Variants in CNTROB observed in about 807,000 individuals in gnomAD.
CNTROB encodes centrobin, centriole duplication and spindle assembly protein.
A neutral mutation model predicts 115.7 loss-of-function variants in CNTROB; 82 were observed. The observed-to-expected ratio is 0.71, with a 90% confidence interval of 0.59 to 0.85. The LOEUF is 0.85. Among genes scored for constraint, CNTROB ranks in the 40% least tolerant of loss-of-function variants. The pLI, the probability that CNTROB is intolerant of heterozygous loss-of-function variation, is 0.00. For synonymous variants in CNTROB, 439 were observed against 456.4 expected (o/e 0.96, Z 0.49); for missense variants, 1,014 against 1,144.4 (o/e 0.89, Z 1.64).
rs895623962 is a variant in CNTROB at position 7,939,159 on chromosome 17, C to G, written c.928-354C>G. On this transcript the variant is annotated intron_variant, in intron 7 of 18. Coordinates refer to ENST00000563694, the MANE Select transcript of CNTROB (RefSeq NM_053051.5). This position sits in a 1 kb window ranked among gnomAD's most constrained non-coding sequence, Gnocchi z 4.4. ...CTAGGCTGGAGTGCAGTTGTGTGAT[C>G]CCAGCTCACTGCAACCTCCACCTCC... is the stretch of plus-strand genomic sequence containing the variant. Among the ~76,000 whole-genome samples, 2 of 152,026 alleles carry G rather than the reference C, an allele frequency of 1.3e-5. No homozygotes were observed. The highest frequency in any genetic ancestry group is 4.8e-5 in the African/African-American group (2 of 41,366).
intron 9 of CNTROB, among the ~76,000 whole-genome samples, chr17:7,942,803 T>G (rs1394551452): frequency 3.2e-4 from 34 of 106,014 alleles, no homozygotes; most frequent in African/African-American, 1.2e-3. Context: ...TTTTTTTTTT[T>G]TTTTTTTTTT....
chr17:7,945,909 T>C lies in CNTROB; in HGVS notation c.1916T>C (p.Leu639Pro). 6.2e-7 allele frequency: 1 copy of C among 1,614,118 alleles called. No homozygotes were observed. The change falls in exon 13 of 19, where the codon CTC (leucine) becomes CCC (proline). Residue 639 changes from leucine (L) to proline (P), a missense_variant. Transcript: ENST00000563694. ...TGCAGTTCCTCCTCAGATCTTAGCC[T>C]CCTGTTGGGCCCCTCTTTTCAGAGC... is the stretch of plus-strand genomic sequence containing the variant. ...VLCSSSSDLS[L>P]LLGPSFQSQH...
chr17:7,937,230 G>A lies in CNTROB; in HGVS notation c.895G>A (p.Ala299Thr). Residue 299 changes from alanine (A) to threonine (T), a missense_variant, in exon 7 of 19, where the codon GCC becomes ACC. Physicochemically the swap from Ala to Thr is moderately conservative, Grantham distance 58. Coordinates refer to ENST00000563694, the MANE Select transcript of CNTROB (RefSeq NM_053051.5). Reference sequence around the variant, plus strand: ...GGCCCTGAATCGTGAGCAGGAAAGTGCCAGACTGCAGCAACGGGAAAGAGA... The same window carrying A: ...GGCCCTGAATCGTGAGCAGGAAAGTACCAGACTGCAGCAACGGGAAAGAGA... ...MEALNREQESARLQQRERETL... is the reference protein window; with the variant it reads ...MEALNREQESTRLQQRERETL... 1 of 1,614,172 alleles carries A rather than the reference G, an allele frequency of 6.2e-7. No homozygotes were observed. The highest frequency in any genetic ancestry group is 8.5e-7 in the Non-Finnish European group (1 of 1,180,020).
At chr17:7,946,124 A>T in intron 13 of CNTROB, 138 bp downstream of exon 13, 1 of 745,924 alleles carries the variant, frequency 1.3e-6, no homozygotes, top group Non-Finnish European at 2.3e-6. Flanking sequence ...AAGGAGCAGA[A>T]ATCTGCTCAC....
At chr17:7,945,648 T>C in intron 12 of CNTROB, 80 bp from the exon 13 acceptor site, 1 of 1,427,822 alleles carries the variant, frequency 7.0e-7, no homozygotes, top group Non-Finnish European at 9.5e-7. Flanking sequence ...ATTTATAATC[T>C]TATTAAAGTG....
Position 7,937,206 on chromosome 17 carries a change from G to T in CNTROB, c.871G>T (p.Ala291Ser). ...ACAAAGCCTTTCTGAGGCCATGGAG[G>T]CCCTGAATCGTGAGCAGGAAAGTGC... ...LEQSLSEAME[A>S]LNREQESARL... Residue 291 changes from alanine to serine, a missense_variant, in exon 7 of 19, where the codon GCC (alanine) becomes TCC (serine). By Grantham distance (99) the Ala-to-Ser change is moderately conservative (BLOSUM62 1). Coordinates refer to ENST00000563694, the MANE Select transcript of CNTROB (RefSeq NM_053051.5). The T allele has an allele frequency of 2.5e-6, 4 of 1,614,160 alleles. No homozygotes were observed. The highest frequency in any genetic ancestry group is 2.2e-5 in the East Asian group (1 of 44,872).
intron 13 of CNTROB, among the ~76,000 whole-genome samples, chr17:7,946,281 C>T (rs1369495470): frequency 1.3e-5 from 2 of 152,232 alleles, no homozygotes; most frequent in Non-Finnish European, 2.9e-5. Context: ...CTGGGTCCAC[C>T]TCTCCTGCAC....
chr17:7,949,111 C>T lies in CNTROB; in HGVS notation c.2540C>T (p.Pro847Leu). 1 of 1,614,076 alleles carries T rather than the reference C, an allele frequency of 6.2e-7. No homozygotes were observed. The highest frequency in any genetic ancestry group is 8.5e-7 in the Non-Finnish European group (1 of 1,180,018). The stretch of plus-strand genomic sequence containing the variant: ...ACTGATGGCCGAGGGGATAATGTCC[C>T]CAGAAGGAACACAGACTCCCGCTTG... ...SGTDGRGDNVPRRNTDSRLGE... is the reference protein window; with the variant it reads ...SGTDGRGDNVLRRNTDSRLGE... The change falls in exon 18 of 19, where the codon CCC becomes CTC. Residue 847 changes from proline to leucine, a missense_variant. Coordinates refer to ENST00000563694, the MANE Select transcript of CNTROB (RefSeq NM_053051.5).
intron 4 of CNTROB, 194 bp from the exon 5 acceptor site, chr17:7,936,172 A>C: frequency 5.2e-6 from 3 of 577,554 alleles, no homozygotes; most frequent in Non-Finnish European, 9.3e-6. Context: ...AAAGGTACAG[A>C]AACATGTTGG....
intron 7 of CNTROB, 91 bp downstream of exon 7, chr17:7,937,353 T>A: frequency 6.7e-7 from 1 of 1,497,248 alleles, no homozygotes; most frequent in Non-Finnish European, 9.3e-7. Flanking sequence ...GAGATTATAA[T>A]TTGAGTTGCA....
Position 7,939,491 on chromosome 17 carries a change from T to C in CNTROB, c.928-22T>C, listed in dbSNP as rs564339167. The C allele has an allele frequency of 5.6e-6, 9 of 1,607,700 alleles. No homozygotes were observed. The African/African-American group carries it at 1.2e-4, about 21-fold the overall frequency. On this transcript the variant is annotated intron_variant, in intron 7 of 18. Transcript: ENST00000563694. The surrounding 1 kb of genome is among the most constrained non-coding windows in gnomAD (Gnocchi z 4.4). ...TCTCTGAAGAGCCTACTAAGGAGCT[T>C]GGTTTTCTTCTGCGGCTGTAGGAGG...
chr17:7,932,829 G>T lies in CNTROB; in HGVS notation c.-251G>T. 1 of 522,348 alleles carries T rather than the reference G, an allele frequency of 1.9e-6. No homozygotes were observed. Among genetic ancestry groups the T allele is most frequent in the Middle Eastern group, 5.0e-4 (1 of 2,006 alleles). The allele number at this position is 522,348 out of a possible 1,614,324, so 32.4% of individuals were successfully genotyped here. On this transcript the variant is annotated 5_prime_UTR_variant, in exon 1 of 19. Coordinates refer to ENST00000563694, the MANE Select transcript of CNTROB (RefSeq NM_053051.5). ...GGTCTTCTGTCCGCACCCGCTCTGC[G>T]CTGCACCCTCTTAACGCTGTTCCCA...
In CNTROB at chr17:7,939,240, C is replaced by T. The variant is rs956471085; in HGVS notation, c.928-273C>T. 6.6e-6 allele frequency among the ~76,000 whole-genome samples: 1 copy of T among 151,672 alleles called. No homozygotes were observed. The highest frequency in any genetic ancestry group is 1.5e-5 in the Non-Finnish European group (1 of 67,974). ...CCCAAGTAGCTGGAATTACAGGCAC[C>T]CACCACCACGCCTGGCTAATTTTTG... On this transcript the variant is annotated intron_variant, in intron 7 of 18. Coordinates refer to ENST00000563694, the MANE Select transcript of CNTROB (RefSeq NM_053051.5). The surrounding 1 kb of genome is among the most constrained non-coding windows in gnomAD (Gnocchi z 4.4).
intron 4 of CNTROB, chr17:7,936,133 A>G: frequency 2.1e-6 from 1 of 485,970 alleles, no homozygotes. Context: ...GAAAAGGAGG[A>G]GCCTGGAATC....
chr17:7,936,801 G>A lies in CNTROB; in HGVS notation c.812G>A (p.Arg271Lys). The A allele has an allele frequency of 7.1e-7, 1 of 1,407,822 alleles. No individual in the cohort carries two copies. Among genetic ancestry groups the A allele is most frequent in the Non-Finnish European group, 1.0e-6 (1 of 991,436 alleles). 87.2% of individuals were successfully genotyped at this position (1,407,822 alleles called of 1,614,324 possible). A position where few individuals can be genotyped will look rare whatever the true frequency, so the allele number is the denominator to read the frequency against. ...GAACACCAGGCAGCAGAGCTCACCAGAAGCAAGCAGCAGGAGGTGAGCGCC... is the reference window on the plus strand; with the variant it reads ...GAACACCAGGCAGCAGAGCTCACCAAAAGCAAGCAGCAGGAGGTGAGCGCC... Reference protein sequence around the residue: ...QEEHQAAELTRSKQQETVTRL... With the variant: ...QEEHQAAELTKSKQQETVTRL... Residue 271 changes from arginine to lysine, a missense_variant, in exon 6 of 19, where the codon AGA becomes AAA. By Grantham distance (26) the Arg-to-Lys change is conservative. Transcript: ENST00000563694.
chr17:7,947,279 A>G (rs1205893643), intron 13 of CNTROB, among the ~76,000 whole-genome samples: 1 of 152,124 alleles, frequency 6.6e-6, no homozygotes, highest in Non-Finnish European at 1.5e-5. Context: ...TGTGTTACTC[A>G]TTTCCATTCT....
Position 7,943,728 on chromosome 17 carries a change from A to G in CNTROB, c.1445+204A>G, listed in dbSNP as rs1974189951. The G allele has an allele frequency of 3.4e-6, 2 of 580,362 alleles. No homozygotes were observed. Among genetic ancestry groups the G allele is most frequent in the Non-Finnish European group, 3.0e-6 (1 of 332,204 alleles). The allele number at this position is 580,362 out of a possible 1,614,324, so 36.0% of individuals were successfully genotyped here. A position where few individuals can be genotyped will look rare whatever the true frequency, so the allele number is the denominator to read the frequency against. Reference sequence around the variant, plus strand: ...GAGCCAGAAGTGCCTGGGAATTTTCATCCCATAGGGAGTAGCCCTTAACCA... The same window carrying G: ...GAGCCAGAAGTGCCTGGGAATTTTCGTCCCATAGGGAGTAGCCCTTAACCA... On this transcript the variant is annotated intron_variant, in intron 10 of 18. Transcript: ENST00000563694. This position sits in a 1 kb window ranked among gnomAD's most constrained non-coding sequence, Gnocchi z 4.7.
chr17:7,934,569 C>T, intron 3 of CNTROB, 23 bp downstream of exon 3: 4 of 1,595,258 alleles, frequency 2.5e-6, no homozygotes, highest in Admixed American at 1.7e-5. Context: ...TGTGGTTCTC[C>T]TAGCTTGTTT....
rs1430104739 is a variant in CNTROB at position 7,933,240 on chromosome 17, C to T, written c.161C>T (p.Ala54Val). Residue 54 changes from alanine (A) to valine (V), a missense_variant, in exon 1 of 19, where the codon GCC becomes GTC. By Grantham distance (64) the Ala-to-Val change is moderately conservative. Transcript: ENST00000563694. ...LSRQAEATARAQLYLPSTSPP... is the reference protein window; with the variant it reads ...LSRQAEATARVQLYLPSTSPP... Reference sequence around the variant, plus strand: ...CGGCAGGCGGAGGCCACGGCCCGAGCCCAGCTGTATTTACCCTCCACCTCC... The same window carrying T: ...CGGCAGGCGGAGGCCACGGCCCGAGTCCAGCTGTATTTACCCTCCACCTCC... 1.2e-6 allele frequency: 2 copies of T among 1,614,112 alleles called. No individual in the cohort carries two copies. The highest frequency in any genetic ancestry group is 1.7e-6 in the Non-Finnish European group (2 of 1,180,052).
Sources: gnomAD v4.1 joint callset for allele counts (sites outside exome capture counted in the v4.1 genomes callset) on GRCh38, gnomAD v4.1.1 for gene constraint, Gnocchi (gnomAD v3.1) non-coding constraint, MANE v1.5 for transcripts, NCBI Gene and HGNC (gene_info 2026-07-23, HGNC 2026-07-21) for gene names.